The following SRPK2 variants were observed in gnomAD, a reference collection of about 807,000 sequenced individuals.
SRPK2 encodes SFRS protein kinase 2.
SRPK2 carries 21 observed loss-of-function variants against 90.8 expected under a neutral mutation model. That is an observed-to-expected ratio of 0.23 (90% CI 0.16 to 0.33). The LOEUF (loss-of-function observed/expected upper bound fraction) is 0.33, where lower values mean the gene tolerates loss of function less well. Among genes scored for constraint, SRPK2 ranks in the 10% least tolerant of loss-of-function variants. The pLI is 1.00. For missense variants in SRPK2, 620 were observed against 869.0 expected, an observed-to-expected ratio of 0.71 and a Z score of 3.60; for synonymous variants, 288 against 311.1, an observed-to-expected ratio of 0.93 and a Z score of 0.78.
At chr7:105,165,375 T>A (rs1427948604) in intron 6 of SRPK2, among the ~76,000 whole-genome samples, 3 of 152,170 alleles carry the variant, frequency 2.0e-5, no homozygotes, top group African/African-American at 7.2e-5. Context: ...TAACTAGTAT[T>A]AGTGAGAGGT....
intron 2 of SRPK2, among the ~76,000 whole-genome samples, chr7:105,363,407 A>G (rs901673116): frequency 2.0e-5 from 3 of 152,130 alleles, no homozygotes; most frequent in East Asian, 3.9e-4. Context: ...CATTTATGCA[A>G]CCAACAGACA....
chr7:105,301,565 C>G (rs974329606), intron 2 of SRPK2: 1 of 1,580,160 alleles, frequency 6.3e-7, no homozygotes, highest in Non-Finnish European at 8.7e-7. Flanking sequence ...GCATTACGCT[C>G]TATTTATGAA....
intron 2 of SRPK2, among the ~76,000 whole-genome samples, chr7:105,247,839 G>A (rs1801913779): frequency 1.3e-5 from 2 of 151,806 alleles, no homozygotes; most frequent in Admixed American, 6.6e-5. Flanking sequence ...TGGGATTATA[G>A]GGCATGAGCT....
intron 1 of SRPK2, among the ~76,000 whole-genome samples, chr7:105,396,680 G>GAAT (rs1198161975): frequency 2.1e-5 from 3 of 141,354 alleles, no homozygotes; most frequent in African/African-American, 7.8e-5. Context: ...AGAGGAAGAA[G>GAAT]AATAGTAGGA....
At chr7:105,359,083 C>T (rs1195344938) in intron 2 of SRPK2, among the ~76,000 whole-genome samples, 1 of 150,814 alleles carries the variant, frequency 6.6e-6, no homozygotes. Context: ...GCCCCACCAC[C>T]AACACTGGGG....
chr7:105,377,313 T>C (rs1266589532), intron 2 of SRPK2, among the ~76,000 whole-genome samples: 1 of 152,096 alleles, frequency 6.6e-6, no homozygotes, highest in Non-Finnish European at 1.5e-5. Flanking sequence ...TCCCAATATA[T>C]ATCACCCTCA....
At chr7:105,217,055 T>TA (rs1386276567) in intron 2 of SRPK2, among the ~76,000 whole-genome samples, 1 of 152,208 alleles carries the variant, frequency 6.6e-6, no homozygotes, top group Non-Finnish European at 1.5e-5. Context: ...GACCAATAAA[T>TA]ACACCTTGAT....
At chr7:105,276,022 C>A (rs1806435922) in intron 2 of SRPK2, among the ~76,000 whole-genome samples, 1 of 152,050 alleles carries the variant, frequency 6.6e-6, no homozygotes, top group African/African-American at 2.4e-5. Context: ...TTGCCAAATT[C>A]TTTACATAAT....
intron 2 of SRPK2, chr7:105,244,784 C>G (rs1801363115): frequency 6.1e-6 from 6 of 980,346 alleles, no homozygotes; most frequent in Admixed American, 3.4e-5. Flanking sequence ...GGACATGATC[C>G]CGGAGGCATG....
At position 105,313,606 on chromosome 7, in the gene SRPK2, C is replaced by G. The variant is rs963031570; in HGVS notation, c.71+75042G>C. On this transcript the variant is annotated intron_variant, in intron 2 of 15. Transcript: ENST00000393651. ...CTCTACTAAAATACAAAAAAATTAGCCAGGTGTGGCGTCGTGGACCTGTAA... is the reference window on the plus strand; with the variant it reads ...CTCTACTAAAATACAAAAAAATTAGGCAGGTGTGGCGTCGTGGACCTGTAA... Among the ~76,000 whole-genome samples the G allele has an allele frequency of 3.3e-5, 5 of 152,058 alleles. No individual in the cohort carries two copies. The South Asian group carries it at 6.2e-4, about 19-fold the overall frequency.
intron 11 of SRPK2, among the ~76,000 whole-genome samples, chr7:105,133,354 T>TC (rs2129575082): frequency 6.6e-6 from 1 of 152,336 alleles, no homozygotes; most frequent in Non-Finnish European, 1.5e-5. Context: ...TCTCTTTTTA[T>TC]CCCCAGTTTC....
intron 2 of SRPK2, among the ~76,000 whole-genome samples, chr7:105,270,967 C>T (rs898891197): frequency 1.3e-5 from 2 of 152,098 alleles, no homozygotes; most frequent in Admixed American, 6.5e-5. Context: ...ATGGTTTTTC[C>T]ATAGTTTAAA....
In SRPK2 at chr7:105,143,171, C is replaced by T; in HGVS notation, c.973G>A (p.Asp325Asn). The T allele has an allele frequency of 1.9e-6, 3 of 1,614,214 alleles. No individual in the cohort carries two copies. The highest frequency in any genetic ancestry group is 2.5e-6 in the Non-Finnish European group (3 of 1,180,032). ...TCTGGGCAGTATTCGCCATCCTGGT[C>T]ATTGGAAGGTGCAGCTGAGGTGATG... is the stretch of plus-strand genomic sequence containing the variant. The part of the protein sequence containing the change: ...ENITSAAPSN[D>N]QDGEYCPEVK... Residue 325 changes from aspartate (D) to asparagine (N), a missense_variant, in exon 10 of 16, where the codon GAC becomes AAC. Physicochemically the swap from Asp to Asn is conservative, Grantham distance 23. Around this residue, in one of 8 missense-constraint regions of SRPK2, gnomAD observed 243 missense variants for 245.7 expected, o/e 0.99. Coordinates refer to ENST00000393651, the MANE Select transcript of SRPK2 (RefSeq NM_182692.3).
At chr7:105,343,481 T>C (rs1439350003) in intron 2 of SRPK2, among the ~76,000 whole-genome samples, 1 of 152,274 alleles carries the variant, frequency 6.6e-6, no homozygotes, top group African/African-American at 2.4e-5. Flanking sequence ...AACAGTACTT[T>C]AGCAGTAATG....
chr7:105,229,595 T>G (rs555638462), intron 2 of SRPK2, among the ~76,000 whole-genome samples: 1 of 152,330 alleles, frequency 6.6e-6, no homozygotes, highest in South Asian at 2.1e-4. Flanking sequence ...CCTTCCGCAG[T>G]GCCCACAACA....
In SRPK2 at chr7:105,187,086, C is replaced by A. The variant is rs560543898; in HGVS notation, c.229+16542G>T. 1.1e-4 allele frequency among the ~76,000 whole-genome samples: 16 copies of A among 152,236 alleles called. 1 individual carries two copies. In the South Asian group the frequency reaches 3.3e-3, roughly 32 times the overall value. On this transcript the variant is annotated intron_variant, in intron 3 of 15. Transcript: ENST00000393651. ...TTTCTAAATTCTTGATACATAAAATCATGAACAAAATTAAAAAGGGGTTTA... is the reference window on the plus strand; with the variant it reads ...TTTCTAAATTCTTGATACATAAAATAATGAACAAAATTAAAAAGGGGTTTA...
intron 2 of SRPK2, among the ~76,000 whole-genome samples, chr7:105,306,887 T>C (rs2131335279): frequency 6.6e-6 from 1 of 152,310 alleles, no homozygotes; most frequent in East Asian, 1.9e-4. Flanking sequence ...AACTTACAAC[T>C]TGATTATAGA....
chr7:105,273,410 GT>G (rs1806095367), intron 2 of SRPK2, among the ~76,000 whole-genome samples: 1 of 146,364 alleles, frequency 6.8e-6, no homozygotes, highest in Admixed American at 6.9e-5. Context: ...CACCCAACTC[GT>G]TTTTTCTTTT....
intron 3 of SRPK2, among the ~76,000 whole-genome samples, chr7:105,179,692 G>T (rs1792478267): frequency 6.6e-6 from 1 of 151,880 alleles, no homozygotes; most frequent in African/African-American, 2.4e-5. Context: ...GGGTGTGGTG[G>T]CGCATGCCTT....
Sources: allele counts gnomAD v4.1 joint callset (sites outside exome capture counted in the v4.1 genomes callset), GRCh38; gene constraint gnomAD v4.1.1; regional missense constraint gnomAD v4.1.1; transcripts MANE v1.5; gene names NCBI Gene and HGNC (gene_info 2026-07-23, HGNC 2026-07-21).